The following COBL variants were observed in gnomAD, a reference collection of about 807,000 sequenced individuals.
The protein encoded by COBL is protein cordon-bleu.
COBL carries 51 observed loss-of-function variants against 98.8 expected under a neutral mutation model. That is an observed-to-expected ratio of 0.52 (90% CI 0.41 to 0.65). The LOEUF (loss-of-function observed/expected upper bound fraction) is 0.65, where lower values mean the gene tolerates loss of function less well. Among genes scored for constraint, COBL ranks in the 30% least tolerant of loss-of-function variants. The pLI, the probability that COBL is intolerant of heterozygous loss-of-function variation, is 0.00. For missense variants in COBL, 1,617 were observed against 1,617.5 expected, an observed-to-expected ratio of 1.00 and a Z score of 0.01; for synonymous variants, 634 against 651.7, an observed-to-expected ratio of 0.97 and a Z score of 0.41.
intron 7 of COBL, among the ~76,000 whole-genome samples, chr7:51,075,168 C>T (rs1001521758): frequency 6.6e-6 from 1 of 152,188 alleles, no homozygotes. Context: ...ATTTTTTCTG[C>T]TATTCACAAT....
intron 12 of COBL, among the ~76,000 whole-genome samples, chr7:51,020,454 G>A (rs1006935282): frequency 6.6e-6 from 1 of 152,180 alleles, no homozygotes; most frequent in Non-Finnish European, 1.5e-5. Context: ...GACAGTGCCC[G>A]GACCCTAGTA....
chr7:51,154,336 G>A (rs924778185), intron 5 of COBL, among the ~76,000 whole-genome samples: 2 of 152,348 alleles, frequency 1.3e-5, no homozygotes, highest in Admixed American at 6.5e-5. Context: ...GCAAACTGAA[G>A]CAGAGAACAT....
intron 1 of COBL, among the ~76,000 whole-genome samples, chr7:51,227,414 G>T (rs1027599974): frequency 6.6e-6 from 1 of 152,172 alleles, no homozygotes; most frequent in African/African-American, 2.4e-5. Context: ...ACAGACCCCA[G>T]ATTAGTCTCA....
At chr7:51,241,741 T>C (rs1435385369) in intron 1 of COBL, among the ~76,000 whole-genome samples, 1 of 152,148 alleles carries the variant, frequency 6.6e-6, no homozygotes, top group East Asian at 1.9e-4. Context: ...CACATGGTTT[T>C]AAAAAGGTAA....
chr7:51,078,479 C>G (rs1373463177), intron 7 of COBL, among the ~76,000 whole-genome samples: 3 of 152,184 alleles, frequency 2.0e-5, no homozygotes, highest in African/African-American at 7.2e-5. Flanking sequence ...AATGCTACTC[C>G]ACTCTGGGAT....
At chr7:51,117,472 T>C (rs1797380539) in intron 6 of COBL, among the ~76,000 whole-genome samples, 1 of 152,164 alleles carries the variant, frequency 6.6e-6, no homozygotes, top group Non-Finnish European at 1.5e-5. Flanking sequence ...TTTTGTTACC[T>C]TCATTCTGTT....
intron 12 of COBL, among the ~76,000 whole-genome samples, chr7:51,018,981 CA>C (rs1786647569): frequency 7.4e-6 from 1 of 134,766 alleles, no homozygotes; most frequent in Non-Finnish European, 1.6e-5. Flanking sequence ...TTTTTAAGCT[CA>C]CCAGCTATCG....
intron 5 of COBL, among the ~76,000 whole-genome samples, chr7:51,137,134 C>T (rs1442998023): frequency 2.0e-5 from 3 of 152,120 alleles, no homozygotes; most frequent in African/African-American, 4.8e-5. Flanking sequence ...TGTCCTGGTG[C>T]CTCTTCTCTC....
intron 1 of COBL, among the ~76,000 whole-genome samples, chr7:51,307,814 G>T (rs916855829): frequency 2.0e-5 from 3 of 152,184 alleles, no homozygotes; most frequent in African/African-American, 7.2e-5. Context: ...TAGCAATTTA[G>T]AGCGTTGTCA....
intron 1 of COBL, among the ~76,000 whole-genome samples, chr7:51,271,711 T>G (rs1798776300): frequency 6.6e-6 from 1 of 152,184 alleles, no homozygotes; most frequent in South Asian, 2.1e-4. Context: ...TCACAATTAT[T>G]TGCATGCTCT....
intron 1 of COBL, among the ~76,000 whole-genome samples, chr7:51,285,700 A>G (rs979337029): frequency 5.3e-5 from 8 of 152,218 alleles, no homozygotes; most frequent in African/African-American, 1.9e-4. Context: ...ACAAAATTTC[A>G]AATTCTCAGC....
At chr7:51,077,144 T>G (rs138969634) in intron 7 of COBL, among the ~76,000 whole-genome samples, 2 of 152,182 alleles carry the variant, frequency 1.3e-5, no homozygotes, top group East Asian at 3.9e-4. Flanking sequence ...TGCACACAAC[T>G]GTATTGGTTT....
chr7:51,172,108 A>G (rs1787926499), intron 5 of COBL, among the ~76,000 whole-genome samples: 1 of 152,266 alleles, frequency 6.6e-6, no homozygotes, highest in African/African-American at 2.4e-5. Context: ...CTCAGAGTTT[A>G]GCAGCTGAGA....
chr7:51,259,902 T>A, intron 1 of COBL: 1 of 757,454 alleles, frequency 1.3e-6, no homozygotes, highest in Non-Finnish European at 2.4e-6. Context: ...ATGCGTACAA[T>A]AAAGGCCAAG....
chr7:51,314,592 A>T (rs1394240443), intron 1 of COBL, among the ~76,000 whole-genome samples: 1 of 152,254 alleles, frequency 6.6e-6, no homozygotes, highest in African/African-American at 2.4e-5. Flanking sequence ...TTGCTTATTA[A>T]ACACGTAATT....
At chr7:51,145,954 G>A (rs1478075694) in intron 5 of COBL, among the ~76,000 whole-genome samples, 2 of 152,036 alleles carry the variant, frequency 1.3e-5, no homozygotes, top group Non-Finnish European at 2.9e-5. Flanking sequence ...TCAAGAGTGG[G>A]CCCCACCGCT....
intron 6 of COBL, among the ~76,000 whole-genome samples, chr7:51,119,118 C>T (rs1331012874): frequency 2.0e-5 from 3 of 152,146 alleles, no homozygotes; most frequent in African/African-American, 7.2e-5. Flanking sequence ...TTAAAACATA[C>T]CTACCAAAGT....
At chr7:51,080,523 G>A (rs1793545149) in intron 7 of COBL, among the ~76,000 whole-genome samples, 1 of 152,150 alleles carries the variant, frequency 6.6e-6, no homozygotes, top group African/African-American at 2.4e-5. Context: ...TGGTGGTAAG[G>A]CCTCCTGCCT....
intron 6 of COBL, among the ~76,000 whole-genome samples, chr7:51,131,820 C>G (rs952853019): frequency 2.7e-4 from 41 of 152,248 alleles, no homozygotes; most frequent in Non-Finnish European, 3.5e-4. Context: ...ACTCAAACTC[C>G]TGACCTTGTG....
Sources: allele counts gnomAD v4.1 joint callset (sites outside exome capture counted in the v4.1 genomes callset), GRCh38; gene constraint gnomAD v4.1.1; transcripts MANE v1.5; gene names NCBI Gene and HGNC (gene_info 2026-07-23, HGNC 2026-07-21).